Variants in UGT1A9 observed in about 807,000 individuals in gnomAD.
The protein encoded by UGT1A9 is UDP glucuronosyltransferase family 1 member A9.
A neutral mutation model predicts 45.0 loss-of-function variants in UGT1A9; 35 were observed. The observed-to-expected ratio is 0.78, with a 90% confidence interval of 0.59 to 1.03. The LOEUF (loss-of-function observed/expected upper bound fraction) is 1.03. Among genes scored for constraint, UGT1A9 ranks in the 50% least tolerant of loss-of-function variants. The probability of loss-of-function intolerance (pLI) is 0.00; values close to 1 mark genes in which losing one functional copy is unlikely to be tolerated. For missense variants in UGT1A9, 687 were observed against 666.6 expected (o/e 1.03, Z -0.34); for synonymous variants, 278 against 250.6 (o/e 1.11, Z -1.03).
chr2:233,761,268 C>T lies in UGT1A9; in HGVS notation c.856-5766C>T, dbSNP rs991345874. 11 of 1,592,332 alleles carry T rather than the reference C, an allele frequency of 6.9e-6. No homozygotes were observed. In the African/African-American group the frequency reaches 1.5e-4, roughly 21 times the overall value. On this transcript the variant is annotated intron_variant, in intron 1 of 4. Coordinates refer to ENST00000354728, the MANE Select transcript of UGT1A9 (RefSeq NM_021027.3). ...GCATTCTGAGATAATTTAAAATGCC[C>T]TCTTTTGTTAATTTTTGACTCCTAG...
chr2:233,760,878 C>T (rs1697595439), intron 1 of UGT1A9: 1 of 1,614,062 alleles, frequency 6.2e-7, no homozygotes, highest in Admixed American at 1.7e-5. Context: ...CCAGGCCTCT[C>T]TCCTCTCATT....
At chr2:233,706,301 T>C (rs746446556) in intron 1 of UGT1A9, among the ~76,000 whole-genome samples, 9 of 152,168 alleles carry the variant, frequency 5.9e-5, no homozygotes, top group Non-Finnish European at 1.2e-4. Context: ...CCAGGTACTA[T>C]GTAGATAGTG....
chr2:233,729,476 T>G lies in UGT1A9; in HGVS notation c.856-37558T>G, dbSNP rs780193627. On this transcript the variant is annotated intron_variant, in intron 1 of 4. Coordinates refer to ENST00000354728, the MANE Select transcript of UGT1A9 (RefSeq NM_021027.3). Reference sequence around the variant, plus strand: ...AAATTTTTCAGAAGTATGGCAATGTTGAACAATATGTCTTTGGTCTATCAT... The same window carrying G: ...AAATTTTTCAGAAGTATGGCAATGTGGAACAATATGTCTTTGGTCTATCAT... 12 of 1,614,098 alleles carry G rather than the reference T, an allele frequency of 7.4e-6. No individual in the cohort carries two copies. In the African/African-American group the frequency reaches 1.6e-4, roughly 22 times the overall value.
At chr2:233,690,604 G>A (rs756529632) in intron 1 of UGT1A9, 73 of 1,288,948 alleles carry the variant, frequency 5.7e-5, no homozygotes, top group Non-Finnish European at 6.8e-5. Flanking sequence ...AAAAAAATCG[G>A]CCTTTGCCTG....
intron 1 of UGT1A9, among the ~76,000 whole-genome samples, chr2:233,740,447 G>A (rs1691391497): frequency 6.6e-6 from 1 of 151,994 alleles, no homozygotes; most frequent in African/African-American, 2.4e-5. Context: ...GGAATCAGAG[G>A]AGAAGAAGAT....
intron 1 of UGT1A9, among the ~76,000 whole-genome samples, chr2:233,716,269 C>G (rs1283038441): frequency 1.3e-5 from 2 of 152,168 alleles, no homozygotes; most frequent in Non-Finnish European, 2.9e-5. Flanking sequence ...CTCCCCATGT[C>G]AAAACCCTTA....
chr2:233,673,757 A>T (rs2074264868), intron 1 of UGT1A9, among the ~76,000 whole-genome samples: 1 of 152,164 alleles, frequency 6.6e-6, no homozygotes, highest in Non-Finnish European at 1.5e-5. Flanking sequence ...ACTATGGGTA[A>T]TTAAGGTTTT....
chr2:233,715,564 G>T (rs1223730449), intron 1 of UGT1A9, among the ~76,000 whole-genome samples: 1 of 152,032 alleles, frequency 6.6e-6, no homozygotes, highest in African/African-American at 2.4e-5. Context: ...TTGAGCCCAG[G>T]AGTCTGAGAG....
intron 1 of UGT1A9, chr2:233,693,340 C>A: frequency 6.2e-7 from 1 of 1,614,192 alleles, no homozygotes; most frequent in Non-Finnish European, 8.5e-7. Context: ...AGACAGAGTA[C>A]AGGAATAACA....
At chr2:233,739,301 C>A (rs1691042342) in intron 1 of UGT1A9, among the ~76,000 whole-genome samples, 1 of 152,160 alleles carries the variant, frequency 6.6e-6, no homozygotes, top group Non-Finnish European at 1.5e-5. Context: ...TGGGGCACTG[C>A]CTAGTGGAGT....
In UGT1A9 at chr2:233,739,470, C is replaced by T. The variant is rs188701117; in HGVS notation, c.856-27564C>T. On this transcript the variant is annotated intron_variant, in intron 1 of 4. Transcript: ENST00000354728. ...CCACAGGGTTGGAGCTGCCTGAGAC[C>T]GTGGGAGCCCATTTCTGGCATCACC... 1.6e-3 allele frequency among the ~76,000 whole-genome samples: 240 copies of T among 152,268 alleles called. 1 individual carries two copies. The highest frequency in any genetic ancestry group is 4.9e-3 in the African/African-American group (205 of 41,548).
At position 233,769,409 on chromosome 2, in the gene UGT1A9, G is replaced by T; in HGVS notation, c.1295+970G>T. The T allele has an allele frequency of 7.6e-7, 1 of 1,316,726 alleles. No individual in the cohort carries two copies. Among genetic ancestry groups the T allele is most frequent in the South Asian group, 1.3e-5 (1 of 78,812 alleles). 81.6% of individuals were successfully genotyped at this position (1,316,726 alleles called of 1,614,324 possible). A position where few individuals can be genotyped will look rare whatever the true frequency, so the allele number is the denominator to read the frequency against. On this transcript the variant is annotated intron_variant, in intron 4 of 4. Transcript: ENST00000354728. The surrounding 1 kb of genome is among the most constrained non-coding windows in gnomAD (Gnocchi z 4.4). The stretch of plus-strand genomic sequence containing the variant: ...AGATACTGTGTGCATATGTGCGTGT[G>T]CGTTTGTGCATGTGGCTGTGCTCAT...
chr2:233,710,556 C>A (rs943295529), intron 1 of UGT1A9, among the ~76,000 whole-genome samples: 25 of 152,110 alleles, frequency 1.6e-4, no homozygotes, highest in African/African-American at 6.0e-4. Context: ...TGCCTGTTTT[C>A]TTTTAAAAGG....
In UGT1A9 at chr2:233,772,858, A is replaced by C; in HGVS notation, c.*299A>C. ...TAGATTACTTTTCTTACTCTGAAAC[A>C]TGGCCTGTTTGGGAGTGCGGGATTC... On this transcript the variant is annotated 3_prime_UTR_variant, in exon 5 of 5. Transcript: ENST00000354728. The C allele has an allele frequency of 1.4e-6, 1 of 719,796 alleles. No individual in the cohort carries two copies. The allele number at this position is 719,796 out of a possible 1,614,324, so 44.6% of individuals were successfully genotyped here.
At chr2:233,729,266 T>C (rs6431625) in intron 1 of UGT1A9, 636,149 of 1,613,866 alleles carry the variant, frequency 0.39, 130,866 homozygotes, top group African/African-American at 0.67. Flanking sequence ...ATGCGGGAGG[T>C]CTTGCGGGAG....
chr2:233,742,736 T>C (rs1017364884), intron 1 of UGT1A9: 1 of 152,920 alleles, frequency 6.5e-6, no homozygotes, highest in Non-Finnish European at 1.5e-5. Context: ...GATTCAAATG[T>C]CTGACCTCCA....
rs762730936 is a variant in UGT1A9 at position 233,677,817 on chromosome 2, C to T, written c.855+5028C>T. Among the ~76,000 whole-genome samples, 6 of 151,570 alleles carry T rather than the reference C, an allele frequency of 4.0e-5. No homozygotes were observed. The East Asian group carries it at 1.2e-3, about 29-fold the overall frequency. ...AGAACTGTCATTCGACCCAGCAATC[C>T]CATTACTAGATATATGTAAAAAAAA... On this transcript the variant is annotated intron_variant, in intron 1 of 4. Coordinates refer to ENST00000354728, the MANE Select transcript of UGT1A9 (RefSeq NM_021027.3).
chr2:233,747,280 C>A, intron 1 of UGT1A9: 3 of 1,599,268 alleles, frequency 1.9e-6, no homozygotes, highest in Non-Finnish European at 2.6e-6. Flanking sequence ...TCTCAGTGCC[C>A]AGCCCTGGGC....
At chr2:233,746,142 G>A (rs1693316730) in intron 1 of UGT1A9, among the ~76,000 whole-genome samples, 1 of 151,850 alleles carries the variant, frequency 6.6e-6, no homozygotes, top group Admixed American at 6.5e-5. Flanking sequence ...GCACCTGAGT[G>A]ATAGCATGAT....
Sources: allele counts gnomAD v4.1 joint callset (sites outside exome capture counted in the v4.1 genomes callset), GRCh38; gene constraint gnomAD v4.1.1; non-coding constraint Gnocchi (gnomAD v3.1); transcripts MANE v1.5; gene names NCBI Gene and HGNC (gene_info 2026-07-23, HGNC 2026-07-21).